GALNT17: variants seen among roughly 807,000 people sequenced by gnomAD.
GALNT17 encodes the protein UDP-GalNAc:polypeptide N-acetylgalactosaminyltransferase-like 3.
A neutral mutation model predicts 63.7 loss-of-function variants in GALNT17; 29 were observed. The observed-to-expected ratio is 0.46, with a 90% CI of 0.34 to 0.62. The LOEUF is 0.62. Ranked by LOEUF, GALNT17 falls within the 20% of genes least tolerant of loss-of-function variation. GALNT17 has a pLI of 0.01. For synonymous variants in GALNT17, 305 were observed against 318.3 expected (o/e 0.96, Z 0.45); for missense variants, 603 against 799.6 (o/e 0.75, Z 2.97).
intron 8 of GALNT17, among the ~76,000 whole-genome samples, chr7:71,676,381 T>A (rs1028141651): frequency 6.9e-6 from 1 of 144,842 alleles, no homozygotes; most frequent in East Asian, 2.0e-4. Context: ...AGCTTTTAGG[T>A]TTTTTTTTTC....
intron 5 of GALNT17, among the ~76,000 whole-genome samples, chr7:71,565,151 C>A (rs1448607949): frequency 1.3e-5 from 2 of 152,038 alleles, no homozygotes; most frequent in Non-Finnish European, 2.9e-5. Flanking sequence ...CCTGTAATCC[C>A]AGCTACTTGG....
intron 5 of GALNT17, among the ~76,000 whole-genome samples, chr7:71,523,301 C>T (rs563064327): frequency 1.2e-4 from 18 of 152,076 alleles, no homozygotes; most frequent in East Asian, 3.9e-4. Flanking sequence ...TGGTGGCGCA[C>T]GCCTGTGGCC....
chr7:71,544,472 T>C (rs911207420), intron 5 of GALNT17, among the ~76,000 whole-genome samples: 2 of 152,094 alleles, frequency 1.3e-5, no homozygotes, highest in Non-Finnish European at 2.9e-5. Flanking sequence ...CCCTAAAGGA[T>C]AAAGTCTGCA....
intron 2 of GALNT17, among the ~76,000 whole-genome samples, chr7:71,353,071 T>C (rs1792217750): frequency 2.0e-5 from 3 of 151,428 alleles, no homozygotes; most frequent in Admixed American, 2.0e-4. Flanking sequence ...AGAGGCATGC[T>C]AGCCTGAGGG....
intron 1 of GALNT17, among the ~76,000 whole-genome samples, chr7:71,285,151 G>T (rs1209909607): frequency 6.6e-6 from 1 of 152,136 alleles, no homozygotes; most frequent in Non-Finnish European, 1.5e-5. Context: ...CAAAAATAAT[G>T]TAAGGTTTTT....
At chr7:71,323,956 C>T (rs544942384) in intron 1 of GALNT17, among the ~76,000 whole-genome samples, 1 of 152,184 alleles carries the variant, frequency 6.6e-6, no homozygotes, top group African/African-American at 2.4e-5. Context: ...CAGCCTCTGA[C>T]TTTCTGGGTT....
chr7:71,635,406 A>G (rs542854736), intron 6 of GALNT17, among the ~76,000 whole-genome samples: 3 of 152,300 alleles, frequency 2.0e-5, no homozygotes, highest in African/African-American at 7.2e-5. Flanking sequence ...ACTTCCCATC[A>G]TGGCCTGAAA....
At chr7:71,223,619 T>C (rs571860958) in intron 1 of GALNT17, among the ~76,000 whole-genome samples, 1 of 152,270 alleles carries the variant, frequency 6.6e-6, no homozygotes, top group South Asian at 2.1e-4. Context: ...GAACTCATGT[T>C]ACGGGGGCTT....
intron 1 of GALNT17, among the ~76,000 whole-genome samples, chr7:71,325,467 T>C (rs1004997952): frequency 7.2e-5 from 11 of 152,204 alleles, no homozygotes; most frequent in African/African-American, 2.7e-4. Flanking sequence ...TTTGCTGTGG[T>C]CACCATCTAT....
At chr7:71,592,277 A>G (rs758823270) in intron 6 of GALNT17, among the ~76,000 whole-genome samples, 1 of 152,130 alleles carries the variant, frequency 6.6e-6, no homozygotes, top group Non-Finnish European at 1.5e-5. Flanking sequence ...CACTTGAGAC[A>G]GGTCGGGTCT....
intron 1 of GALNT17, among the ~76,000 whole-genome samples, chr7:71,243,609 T>G (rs879659618): frequency 2.0e-5 from 3 of 152,038 alleles, no homozygotes; most frequent in Non-Finnish European, 4.4e-5. Context: ...CTTGCTAAGT[T>G]GCCCAGGCTG....
intron 5 of GALNT17, among the ~76,000 whole-genome samples, chr7:71,497,646 C>T (rs772311633): frequency 1.1e-4 from 17 of 152,168 alleles, no homozygotes; most frequent in Non-Finnish European, 2.5e-4. Flanking sequence ...CATGACAGTC[C>T]ATTAAATGTA....
chr7:71,185,809 C>T (rs1240780060), intron 1 of GALNT17, among the ~76,000 whole-genome samples: 3 of 152,172 alleles, frequency 2.0e-5, no homozygotes, highest in African/African-American at 7.2e-5. Flanking sequence ...GCCCGGCCCC[C>T]ATTCTGTAAT....
At chr7:71,699,790 A>G (rs1392758682) in intron 9 of GALNT17, among the ~76,000 whole-genome samples, 2 of 151,356 alleles carry the variant, frequency 1.3e-5, no homozygotes, top group African/African-American at 2.4e-5. Context: ...TTAAATAACC[A>G]GGTGTTATGG....
intron 6 of GALNT17, among the ~76,000 whole-genome samples, chr7:71,581,152 T>TTTATGTTTTG (rs1789630076): frequency 6.6e-6 from 1 of 151,742 alleles, no homozygotes; most frequent in Non-Finnish European, 1.5e-5. Context: ...GCTAAACACT[T>TTTATGTTTTG]TTATGTTTTG....
At chr7:71,366,446 T>G (rs1792509966) in intron 2 of GALNT17, among the ~76,000 whole-genome samples, 1 of 152,102 alleles carries the variant, frequency 6.6e-6, no homozygotes, top group Non-Finnish European at 1.5e-5. Flanking sequence ...CTAGGCATGG[T>G]GGCGGGCGCC....
chr7:71,138,505 C>T (rs929139951), intron 1 of GALNT17, among the ~76,000 whole-genome samples: 6 of 152,140 alleles, frequency 3.9e-5, no homozygotes, highest in Admixed American at 1.3e-4. Flanking sequence ...GGTGGACCCA[C>T]GCAGTTCAGA....
rs544139317 is a variant in GALNT17, at chr7:71,144,531, C to T, written c.238+11491C>T. 1.2e-3 allele frequency among the ~76,000 whole-genome samples: 176 copies of T among 152,238 alleles called. 2 individuals are homozygous for T. The highest frequency in any genetic ancestry group is 6.6e-4 in the Non-Finnish European group (45 of 68,018). On this transcript the variant is annotated intron_variant, in intron 1 of 10. Coordinates refer to ENST00000333538, the MANE Select transcript of GALNT17 (RefSeq NM_022479.3). ...ACATTGTCATCTAATTGGAAGGATA[C>T]ATTTGTAATGTTACCAGGTATACAT...
intron 1 of GALNT17, among the ~76,000 whole-genome samples, chr7:71,220,118 C>T (rs1789556776): frequency 6.6e-6 from 1 of 152,198 alleles, no homozygotes; most frequent in African/African-American, 2.4e-5. Context: ...GGGTTTATAG[C>T]AAAACTCCCT....
Sources: allele counts gnomAD v4.1 joint callset (sites outside exome capture counted in the v4.1 genomes callset), GRCh38; gene constraint gnomAD v4.1.1; transcripts MANE v1.5; gene names NCBI Gene and HGNC (gene_info 2026-07-23, HGNC 2026-07-21).